Variants in ATF7IP observed in about 807,000 individuals in gnomAD.
ATF7IP encodes the protein activating transcription factor 7-interacting protein 1.
A neutral mutation model predicts 106.4 loss-of-function variants in ATF7IP; 23 were observed. The ratio of observed to expected loss-of-function variants is 0.22; its 90% CI spans 0.16 to 0.31. The LOEUF (loss-of-function observed/expected upper bound fraction) is 0.31, where lower values mean the gene tolerates loss of function less well. ATF7IP is among the 10% of genes least tolerant of loss of function. The pLI is 1.00. For synonymous variants in ATF7IP, 542 were observed against 539.0 expected (o/e 1.01, Z -0.08); for missense variants, 1,334 against 1,524.3 (o/e 0.88, Z 2.08).
chr12:14,461,198 C>T, intron 9 of ATF7IP, 65 bp downstream of exon 9: 2 of 1,417,226 alleles, frequency 1.4e-6, no homozygotes, highest in Non-Finnish European at 1.9e-6. Flanking sequence ...AATGATTGAA[C>T]TTTTTTTTTC....
chr12:14,493,262 C>T (rs1944890474), intron 13 of ATF7IP, among the ~76,000 whole-genome samples: 1 of 152,226 alleles, frequency 6.6e-6, no homozygotes, highest in Non-Finnish European at 1.5e-5. Context: ...CATGCCTGTT[C>T]TTCAGATTTC....
rs1942500706 is a variant in ATF7IP, at chr12:14,438,141, G to T, written c.1803G>T (p.Trp601Cys). The change falls in exon 5 of 15, where the codon TGG becomes TGT. Residue 601 changes from tryptophan (W) to cysteine (C), a missense_variant. By Grantham distance (215) the Trp-to-Cys change is radical. Coordinates refer to ENST00000261168, the MANE Select transcript of ATF7IP (RefSeq NM_018179.5). ...INQKLQKVIQWLLEEKLCALQ... is the reference protein window; with the variant it reads ...INQKLQKVIQCLLEEKLCALQ... ...ATTTGTTTCTTTAGGTTATACAGTG[G>T]TTGCTGGAAGAAAAATTGTGTGCGC... is the stretch of plus-strand genomic sequence containing the variant. The T allele has an allele frequency of 6.2e-7, 1 of 1,612,970 alleles. No individual in the cohort carries two copies. Among genetic ancestry groups the T allele is most frequent in the Non-Finnish European group, 8.5e-7 (1 of 1,179,850 alleles).
At chr12:14,496,162 T>G in intron 13 of ATF7IP, 69 bp from the exon 14 acceptor site, 2 of 979,108 alleles carry the variant, frequency 2.0e-6, no homozygotes, top group Non-Finnish European at 3.1e-6. Flanking sequence ...TTCAAATATT[T>G]AATCAGTTTT....
intron 1 of ATF7IP, among the ~76,000 whole-genome samples, chr12:14,379,008 C>T (rs1938887570): frequency 6.6e-6 from 1 of 152,150 alleles, no homozygotes; most frequent in Non-Finnish European, 1.5e-5. Flanking sequence ...AACTGTCATC[C>T]TTAGAATTTT....
chr12:14,412,236 C>T (rs1940961734), intron 1 of ATF7IP, among the ~76,000 whole-genome samples: 1 of 152,088 alleles, frequency 6.6e-6, no homozygotes. Flanking sequence ...GTTTATTTTT[C>T]TTCTTCAAGA....
chr12:14,485,873 T>G (rs1259551480), intron 13 of ATF7IP, among the ~76,000 whole-genome samples: 1 of 152,238 alleles, frequency 6.6e-6, no homozygotes, highest in Non-Finnish European at 1.5e-5. Flanking sequence ...ATCTGTCTTC[T>G]GCATAGGCCA....
chr12:14,430,816 AC>A (rs1942080444), intron 2 of ATF7IP, among the ~76,000 whole-genome samples: 1 of 152,210 alleles, frequency 6.6e-6, no homozygotes, highest in African/African-American at 2.4e-5. Flanking sequence ...TAATTTGTTT[AC>A]ATGTCACATA....
At chr12:14,400,503 C>A (rs1332138846) in intron 1 of ATF7IP, among the ~76,000 whole-genome samples, 1 of 151,990 alleles carries the variant, frequency 6.6e-6, no homozygotes, top group Non-Finnish European at 1.5e-5. Context: ...ATGTCTGGTC[C>A]TGGTATTTGC....
intron 1 of ATF7IP, among the ~76,000 whole-genome samples, chr12:14,417,810 T>G (rs1941281274): frequency 6.6e-6 from 1 of 152,214 alleles, no homozygotes; most frequent in African/African-American, 2.4e-5. Flanking sequence ...CACACTTAAG[T>G]ATTGCAGATA....
At chr12:14,375,669 C>CTTTTA (rs1938710699) in intron 1 of ATF7IP, among the ~76,000 whole-genome samples, 1 of 152,190 alleles carries the variant, frequency 6.6e-6, no homozygotes, top group Non-Finnish European at 1.5e-5. Context: ...AGTGTCTCCT[C>CTTTTA]TCAGTGTTCT....
At chr12:14,468,984 A>G (rs1943937351) in intron 10 of ATF7IP, among the ~76,000 whole-genome samples, 1 of 152,198 alleles carries the variant, frequency 6.6e-6, no homozygotes. Flanking sequence ...GAATTGTCAC[A>G]TTTTAAGTAC....
At chr12:14,442,623 A>T (rs1942763799) in intron 5 of ATF7IP, among the ~76,000 whole-genome samples, 1 of 152,192 alleles carries the variant, frequency 6.6e-6, no homozygotes, top group South Asian at 2.1e-4. Context: ...CTGTTAGCTA[A>T]TATGATATTT....
intron 1 of ATF7IP, among the ~76,000 whole-genome samples, chr12:14,388,605 C>T (rs958893856): frequency 6.6e-6 from 1 of 152,136 alleles, no homozygotes; most frequent in Non-Finnish European, 1.5e-5. Context: ...CCTAGGCCTC[C>T]CAAAGTGTTG....
At chr12:14,443,625 A>G (rs1207134526) in intron 5 of ATF7IP, among the ~76,000 whole-genome samples, 1 of 152,238 alleles carries the variant, frequency 6.6e-6, no homozygotes, top group African/African-American at 2.4e-5. Flanking sequence ...TATCATATTT[A>G]ATAATGGATT....
chr12:14,469,624 A>G (rs1943965016), intron 10 of ATF7IP, among the ~76,000 whole-genome samples: 1 of 152,152 alleles, frequency 6.6e-6, no homozygotes, highest in Non-Finnish European at 1.5e-5. Context: ...TAAGCTATAA[A>G]ATAGTGTTGC....
At chr12:14,480,256 CAG>C (rs1408314408) in intron 12 of ATF7IP, among the ~76,000 whole-genome samples, 2 of 151,994 alleles carry the variant, frequency 1.3e-5, no homozygotes, top group Admixed American at 6.5e-5. Context: ...GATTCTAATT[CAG>C]AGAGTTGTTA....
At chr12:14,385,350 A>G (rs1226762018) in intron 1 of ATF7IP, 1 of 1,530,492 alleles carries the variant, frequency 6.5e-7, no homozygotes, top group Admixed American at 2.0e-5. Context: ...GTAGCTGCTT[A>G]GGCAGCAAGT....
At chr12:14,447,513 A>G (rs898605368) in intron 6 of ATF7IP, among the ~76,000 whole-genome samples, 2 of 151,988 alleles carry the variant, frequency 1.3e-5, no homozygotes, top group Admixed American at 1.3e-4. Flanking sequence ...AACTCCCAAC[A>G]TCAGGAGTCC....
chr12:14,488,161 T>C (rs1436108610), intron 13 of ATF7IP, among the ~76,000 whole-genome samples: 5 of 152,040 alleles, frequency 3.3e-5, no homozygotes, highest in Admixed American at 1.3e-4. Flanking sequence ...GAATTAGGGT[T>C]CTCTAAAGGG....
Sources: gnomAD v4.1 joint callset for allele counts (sites outside exome capture counted in the v4.1 genomes callset) on GRCh38, gnomAD v4.1.1 for gene constraint, MANE v1.5 for transcripts, NCBI Gene and HGNC (gene_info 2026-07-23, HGNC 2026-07-21) for gene names.